Variants in IPPK observed in about 807,000 individuals in gnomAD.
IPPK encodes the protein IPK1 homolog.
Under a neutral mutation model 64.6 loss-of-function variants are expected in IPPK, and 22 were observed. The observed-to-expected ratio is 0.34, with a 90% CI of 0.24 to 0.49. IPPK has a LOEUF of 0.49. IPPK is among the 20% of genes least tolerant of loss of function. The pLI is 0.99. For synonymous variants in IPPK, 262 were observed against 247.2 expected, an observed-to-expected ratio of 1.06 and a Z score of -0.56; for missense variants, 532 against 630.7, an observed-to-expected ratio of 0.84 and a Z score of 1.68.
chr9:92,670,018 C>A lies in IPPK; in HGVS notation c.-30G>T, dbSNP rs368551780. 74 of 1,564,594 alleles carry A rather than the reference C, an allele frequency of 4.7e-5. No homozygotes were observed. The highest frequency in any genetic ancestry group is 4.1e-5 in the Non-Finnish European group (47 of 1,148,494). ...AGGCGCAGCCCTGGCGCCTCGCGGG[C>A]TAGGACTCGGGGACGCGAGCTGGGG... On this transcript the variant is annotated 5_prime_UTR_variant, in exon 1 of 13. Transcript: ENST00000287996.
chr9:92,647,728 T>A (rs1452929866), intron 6 of IPPK, among the ~76,000 whole-genome samples: 1 of 151,200 alleles, frequency 6.6e-6, no homozygotes, highest in East Asian at 1.9e-4. Context: ...AATTATATAT[T>A]TAAAAGAGTG....
chr9:92,664,518 C>T (rs1313105210), intron 1 of IPPK, among the ~76,000 whole-genome samples: 1 of 152,204 alleles, frequency 6.6e-6, no homozygotes, highest in Non-Finnish European at 1.5e-5. Flanking sequence ...GAAGCAGGCA[C>T]AGGTGTGGGC....
intron 12 of IPPK, chr9:92,618,350 G>A (rs1330457322): frequency 1.5e-5 from 7 of 456,442 alleles, no homozygotes; most frequent in Non-Finnish European, 2.2e-5. Context: ...GTAAGGACCC[G>A]GGCCTTCAGC....
rs753379711 is a variant in IPPK, at chr9:92,616,003, C to A, written c.1305G>T (p.Val435=). 2 of 1,614,188 alleles carry A rather than the reference C, an allele frequency of 1.2e-6. No homozygotes were observed. The highest frequency in any genetic ancestry group is 1.7e-6 in the Non-Finnish European group (2 of 1,180,040). The change falls in exon 13 of 13, where the codon GTG becomes GTT. Residue 435 remains valine (V), a synonymous_variant. Coordinates refer to ENST00000287996, the MANE Select transcript of IPPK (RefSeq NM_022755.6). The stretch of plus-strand genomic sequence containing the variant: ...GCTTGAGGTCAAGGTCCAGCACAGA[C>A]ACGGAAAAGGCAAACCTGGACCTCG... The part of the protein sequence containing the change: ...PSSRSRFAFS[V]SVLDLDLKPY...
intron 12 of IPPK, chr9:92,618,714 T>G (rs887655080): frequency 2.7e-6 from 1 of 371,482 alleles, no homozygotes; most frequent in Non-Finnish European, 5.3e-6. Context: ...CCTCAGTATT[T>G]CATATTGGAA....
chr9:92,615,817 A>T lies in IPPK; in HGVS notation c.*15T>A, dbSNP rs1486059954. The T allele has an allele frequency of 6.4e-7, 1 of 1,566,816 alleles. No individual in the cohort carries two copies. On this transcript the variant is annotated 3_prime_UTR_variant, in exon 13 of 13. Transcript: ENST00000287996. ...CACATTATGTTCAAGTTTCAAAGAC[A>T]CTGCAGGGAAAGAGTTAGACCTTGT...
At chr9:92,617,776 G>A (rs1047791953) in intron 12 of IPPK, 6 of 178,868 alleles carry the variant, frequency 3.4e-5, no homozygotes, top group Non-Finnish European at 7.1e-5. Flanking sequence ...GAGCATCAGG[G>A]TTTAGGCCGG....
intron 12 of IPPK, chr9:92,618,588 A>G (rs1193324945): frequency 2.2e-6 from 1 of 456,466 alleles, no homozygotes; most frequent in African/African-American, 2.0e-5. Context: ...CCACCAGCTT[A>G]ATCCAGTTAA....
At position 92,634,433 on chromosome 9, in the gene IPPK, C is replaced by G; in HGVS notation, c.1123G>C (p.Asp375His). The change falls in exon 11 of 13, where the codon GAC becomes CAC. Residue 375 changes from aspartate (D) to histidine (H), a missense_variant. Physicochemically the swap from Asp to His is moderately conservative, Grantham distance 81. Coordinates refer to ENST00000287996, the MANE Select transcript of IPPK (RefSeq NM_022755.6). ...YDEAFYQKLL[D>H]LSTEDDGTVA... ...GTCCCGTCATCCTCAGTGGAAAGGT[C>G]AAGCAGCTTCTGGTAAAATGCTTCA... 2 of 1,614,176 alleles carry G rather than the reference C, an allele frequency of 1.2e-6. No individual in the cohort carries two copies. The highest frequency in any genetic ancestry group is 1.7e-6 in the Non-Finnish European group (2 of 1,180,000).
intron 6 of IPPK, among the ~76,000 whole-genome samples, chr9:92,646,826 G>A (rs1852159427): frequency 2.0e-5 from 3 of 152,052 alleles, no homozygotes; most frequent in Non-Finnish European, 2.9e-5. Context: ...GCATGATGGC[G>A]GGCGCCTATA....
Position 92,635,614 on chromosome 9 carries a change from C to T in IPPK, c.917-306G>A, listed in dbSNP as rs1851926894. ...CTCCCAACACAACTCTCAGAATGTCCTTTAGATTCCACCACAACAGCCCTG... is the reference window on the plus strand; with the variant it reads ...CTCCCAACACAACTCTCAGAATGTCTTTTAGATTCCACCACAACAGCCCTG... On this transcript the variant is annotated intron_variant, in intron 9 of 12. Coordinates refer to ENST00000287996, the MANE Select transcript of IPPK (RefSeq NM_022755.6). This position sits in a 1 kb window ranked among gnomAD's most constrained non-coding sequence, Gnocchi z 4.4. Among the ~76,000 whole-genome samples, 1 of 152,218 alleles carries T rather than the reference C, an allele frequency of 6.6e-6. No homozygotes were observed. Among genetic ancestry groups the T allele is most frequent in the South Asian group, 2.1e-4 (1 of 4,832 alleles).
intron 12 of IPPK, chr9:92,618,575 A>C (rs187647302): frequency 2.9e-4 from 131 of 456,660 alleles, no homozygotes; most frequent in East Asian, 1.8e-3. Flanking sequence ...CTCTCATCGA[A>C]CACCACCAGC....
chr9:92,625,813 G>A (rs532594683), intron 11 of IPPK, among the ~76,000 whole-genome samples: 62 of 152,222 alleles, frequency 4.1e-4, no homozygotes, highest in African/African-American at 1.4e-3. Context: ...TCTGGAAGAA[G>A]GCATCCCCTA....
intron 6 of IPPK, among the ~76,000 whole-genome samples, chr9:92,647,073 G>A (rs1303617957): frequency 6.6e-6 from 1 of 152,166 alleles, no homozygotes; most frequent in East Asian, 1.9e-4. Context: ...ACACAATCCT[G>A]TGGCTAGACC....
At chr9:92,641,393 C>G (rs1345844742) in intron 7 of IPPK, among the ~76,000 whole-genome samples, 2 of 63,440 alleles carry the variant, frequency 3.2e-5, no homozygotes, top group Non-Finnish European at 5.8e-5. Context: ...TTCAGAAAGG[C>G]ATCCAGTATC....
At chr9:92,632,970 T>C (rs532356363) in intron 11 of IPPK, among the ~76,000 whole-genome samples, 16 of 152,076 alleles carry the variant, frequency 1.1e-4, no homozygotes, top group Admixed American at 1.0e-3. Flanking sequence ...TGTAAAGGCT[T>C]TGGCAGCCTA....
intron 8 of IPPK, among the ~76,000 whole-genome samples, chr9:92,639,686 G>A (rs967270092): frequency 6.6e-6 from 1 of 152,140 alleles, no homozygotes; most frequent in African/African-American, 2.4e-5. Context: ...ACAAATCCCT[G>A]ATGAAACAGA....
At chr9:92,666,059 G>A (rs1371938175) in intron 1 of IPPK, among the ~76,000 whole-genome samples, 1 of 152,204 alleles carries the variant, frequency 6.6e-6, no homozygotes, top group Non-Finnish European at 1.5e-5. Flanking sequence ...CTGGAAGTGA[G>A]CAGCTTTGTC....
At chr9:92,632,376 GT>G (rs1350615488) in intron 11 of IPPK, among the ~76,000 whole-genome samples, 1 of 152,188 alleles carries the variant, frequency 6.6e-6, no homozygotes, top group Non-Finnish European at 1.5e-5. Context: ...ATTTGGTGTT[GT>G]TTCAGTGTCT....
Sources: gnomAD v4.1 joint callset for allele counts (sites outside exome capture counted in the v4.1 genomes callset) on GRCh38, gnomAD v4.1.1 for gene constraint, Gnocchi (gnomAD v3.1) non-coding constraint, MANE v1.5 for transcripts, NCBI Gene and HGNC (gene_info 2026-07-23, HGNC 2026-07-21) for gene names.